The following SDCCAG8 variants were observed in gnomAD, a reference collection of about 807,000 sequenced individuals.
SDCCAG8 encodes the protein SHH signaling and ciliogenesis regulator SDCCAG8, also known as serologically defined colon cancer antigen 8.
A neutral mutation model predicts 101.8 loss-of-function variants in SDCCAG8; 74 were observed. The observed-to-expected ratio is 0.73, with a 90% CI of 0.60 to 0.88. The LOEUF (loss-of-function observed/expected upper bound fraction) is 0.88. Ranked by LOEUF, SDCCAG8 falls within the 40% of genes least tolerant of loss-of-function variation. The pLI is 0.00. For missense variants in SDCCAG8, 787 were observed against 822.6 expected (o/e 0.96, Z 0.53); for synonymous variants, 281 against 292.9 (o/e 0.96, Z 0.41).
intron 16 of SDCCAG8, among the ~76,000 whole-genome samples, chr1:243,483,884 A>AG (rs1021835911): frequency 4.6e-5 from 7 of 152,318 alleles, no homozygotes; most frequent in South Asian, 2.1e-4. Context: ...CTTCTCAGCT[A>AG]GGGGGGTCGT....
intron 8 of SDCCAG8, among the ~76,000 whole-genome samples, chr1:243,310,572 A>T (rs906668164): frequency 1.3e-5 from 2 of 152,204 alleles, no homozygotes; most frequent in African/African-American, 4.8e-5. Flanking sequence ...AAAATATCTT[A>T]TAATTGTGGG....
Position 243,416,672 on chromosome 1 carries a change from G to A in SDCCAG8, c.1744+843G>A, listed in dbSNP as rs1416951832. ...AATGCACTTTGAAAATAGACAGTTT[G>A]ATTTGTTCAGTCAGAGCATTATGTA... On this transcript the variant is annotated intron_variant, in intron 14 of 17. Coordinates refer to ENST00000366541, the MANE Select transcript of SDCCAG8 (RefSeq NM_006642.5). The surrounding 1 kb of genome is among the most constrained non-coding windows in gnomAD (Gnocchi z 4.3). Among the ~76,000 whole-genome samples the A allele has an allele frequency of 6.6e-6, 1 of 152,160 alleles. No homozygotes were observed. The highest frequency in any genetic ancestry group is 1.5e-5 in the Non-Finnish European group (1 of 68,016).
intron 12 of SDCCAG8, among the ~76,000 whole-genome samples, chr1:243,364,456 C>G (rs1480860994): frequency 6.6e-6 from 1 of 152,146 alleles, no homozygotes; most frequent in East Asian, 1.9e-4. Context: ...CCAGAGCATT[C>G]ATACTGATGT....
chr1:243,423,985 T>C (rs2148035705), intron 15 of SDCCAG8, among the ~76,000 whole-genome samples: 1 of 152,186 alleles, frequency 6.6e-6, no homozygotes, highest in East Asian at 1.9e-4. Context: ...AAATATTTGG[T>C]GGTAGTATCT....
Position 243,480,485 on chromosome 1 carries a change from G to A in SDCCAG8, c.1986-8529G>A, listed in dbSNP as rs111206212. Among the ~76,000 whole-genome samples, 222 of 90,550 alleles carry A rather than the reference G, an allele frequency of 2.5e-3. 16 individuals carry two copies. Among genetic ancestry groups the A allele is most frequent in the African/African-American group, 0.011 (208 of 19,256 alleles). The allele number at this position is 90,550 out of a possible 152,430, so 59.4% of individuals were successfully genotyped here. A position where few individuals can be genotyped will look rare whatever the true frequency, so the allele number is the denominator to read the frequency against. On this transcript the variant is annotated intron_variant, in intron 16 of 17. Coordinates refer to ENST00000366541, the MANE Select transcript of SDCCAG8 (RefSeq NM_006642.5). ...GGATGGATGGATGGATGGATGGATGGATGGGTGGGATGGATGGATGGATAG... is the reference window on the plus strand; with the variant it reads ...GGATGGATGGATGGATGGATGGATGAATGGGTGGGATGGATGGATGGATAG...
intron 4 of SDCCAG8, among the ~76,000 whole-genome samples, chr1:243,277,338 TA>T (rs2068661194): frequency 6.6e-6 from 1 of 152,238 alleles, no homozygotes; most frequent in South Asian, 2.1e-4. Flanking sequence ...TTAGCTGTTC[TA>T]ATAGATGTGT....
intron 17 of SDCCAG8, among the ~76,000 whole-genome samples, chr1:243,490,688 C>A (rs1211087452): frequency 6.6e-6 from 1 of 152,260 alleles, no homozygotes; most frequent in Non-Finnish European, 1.5e-5. Flanking sequence ...GGCACACAGG[C>A]TGAGGACGTG....
chr1:243,324,724 T>C (rs11590413), intron 9 of SDCCAG8, among the ~76,000 whole-genome samples: 2 of 152,320 alleles, frequency 1.3e-5, no homozygotes, highest in South Asian at 4.1e-4. Flanking sequence ...CTTTTCACAG[T>C]GCTCTCATAA....
chr1:243,496,699 C>A (rs1668001747), intron 17 of SDCCAG8, among the ~76,000 whole-genome samples: 1 of 152,216 alleles, frequency 6.6e-6, no homozygotes, highest in African/African-American at 2.4e-5. Context: ...GGGAACAAAG[C>A]AGCAGCAAAG....
chr1:243,286,109 C>T lies in SDCCAG8; in HGVS notation c.421-163C>T, dbSNP rs1003502219. On this transcript the variant is annotated intron_variant, in intron 4 of 17. Transcript: ENST00000366541. Reference sequence around the variant, plus strand: ...TATACCCCAGCCTTCTCTTTGTTATCTAGCTAATGTTAGGCTGCCTTGTTT... The same window carrying T: ...TATACCCCAGCCTTCTCTTTGTTATTTAGCTAATGTTAGGCTGCCTTGTTT... 1.6e-4 allele frequency among the ~76,000 whole-genome samples: 25 copies of T among 152,198 alleles called. 1 individual carries two copies. The highest frequency in any genetic ancestry group is 1.2e-3 in the Admixed American group (19 of 15,286).
chr1:243,282,387 T>G (rs1443413862), intron 4 of SDCCAG8, among the ~76,000 whole-genome samples: 1 of 152,200 alleles, frequency 6.6e-6, no homozygotes, highest in Non-Finnish European at 1.5e-5. Flanking sequence ...TTAACTTCAG[T>G]TATTCATAAA....
chr1:243,283,001 C>T (rs1310663826), intron 4 of SDCCAG8, among the ~76,000 whole-genome samples: 4 of 152,052 alleles, frequency 2.6e-5, no homozygotes, highest in African/African-American at 9.7e-5. Flanking sequence ...TGCCTGCCAC[C>T]ACACCTGGCT....
chr1:243,460,262 T>C (rs1372023610), intron 16 of SDCCAG8, among the ~76,000 whole-genome samples: 2 of 152,222 alleles, frequency 1.3e-5, no homozygotes, highest in Admixed American at 6.5e-5. Context: ...TAAAGAGGCA[T>C]GATTTTTTTT....
intron 10 of SDCCAG8, among the ~76,000 whole-genome samples, chr1:243,332,863 A>G (rs949386173): frequency 4.0e-5 from 6 of 149,926 alleles, no homozygotes; most frequent in East Asian, 2.0e-4. Flanking sequence ...TGGTTATCGT[A>G]GTCCAGGTCT....
In SDCCAG8 at chr1:243,268,140, T is replaced by A. The variant is rs2067784887; in HGVS notation, c.68-1965T>A. The A allele has an allele frequency of 3.1e-5, 20 of 642,116 alleles. No homozygotes were observed. The South Asian group carries it at 3.6e-4, about 12-fold the overall frequency. The allele number at this position is 642,116 out of a possible 1,614,324, so 39.8% of individuals were successfully genotyped here. A position where few individuals can be genotyped will look rare whatever the true frequency, so the allele number is the denominator to read the frequency against. ...CTCATGGTCACACCACACTCCTGTTTCTTCCGTAATCACCAACGGTGCAAT... is the reference window on the plus strand; with the variant it reads ...CTCATGGTCACACCACACTCCTGTTACTTCCGTAATCACCAACGGTGCAAT... On this transcript the variant is annotated intron_variant, in intron 1 of 17. Coordinates refer to ENST00000366541, the MANE Select transcript of SDCCAG8 (RefSeq NM_006642.5).
chr1:243,494,543 C>T (rs1667330913), intron 17 of SDCCAG8, among the ~76,000 whole-genome samples: 1 of 152,184 alleles, frequency 6.6e-6, no homozygotes, highest in African/African-American at 2.4e-5. Flanking sequence ...CAACAGCAGA[C>T]AGTTAAACTT....
At position 243,451,745 on chromosome 1, in the gene SDCCAG8, G is replaced by GAAACCCC. The variant is rs577582886; in HGVS notation, c.1985+25188_1985+25194dup. Among the ~76,000 whole-genome samples, 19 of 152,214 alleles carry GAAACCCC rather than the reference G, an allele frequency of 1.2e-4. No homozygotes were observed. The South Asian group carries it at 3.9e-3, about 32-fold the overall frequency. On this transcript the variant is annotated intron_variant, in intron 16 of 17. Coordinates refer to ENST00000366541, the MANE Select transcript of SDCCAG8 (RefSeq NM_006642.5). ...TCGAGATCAGCCTAGACAACATAGA[G>GAAACCCC]AAACCCCGTCTCTACAAAAAAAGAA...
intron 10 of SDCCAG8, among the ~76,000 whole-genome samples, chr1:243,340,520 G>A (rs961361936): frequency 1.3e-5 from 2 of 152,102 alleles, no homozygotes. Flanking sequence ...ATAGGGGGGC[G>A]GTTGGGGTTT....
chr1:243,338,211 G>C (rs1167007450), intron 10 of SDCCAG8, among the ~76,000 whole-genome samples: 1 of 152,064 alleles, frequency 6.6e-6, no homozygotes, highest in African/African-American at 2.4e-5. Flanking sequence ...CACAGTGCCC[G>C]GCCTTTCTAA....
Sources: allele counts gnomAD v4.1 joint callset (sites outside exome capture counted in the v4.1 genomes callset), GRCh38; gene constraint gnomAD v4.1.1; non-coding constraint Gnocchi (gnomAD v3.1); transcripts MANE v1.5; gene names NCBI Gene and HGNC (gene_info 2026-07-23, HGNC 2026-07-21).